BMPR1A: variants seen among roughly 807,000 people sequenced by gnomAD.
The protein encoded by BMPR1A is bone morphogenetic protein receptor type 1A, also known as bone morphogenetic protein receptor type-1A.
A neutral mutation model predicts 66.0 loss-of-function variants in BMPR1A; 7 were observed. The observed-to-expected ratio is 0.11, with a 90% CI of 0.06 to 0.20. BMPR1A has a LOEUF of 0.20. Among genes scored for constraint, BMPR1A ranks in the 10% least tolerant of loss-of-function variants. BMPR1A has a pLI of 1.00. For missense variants in BMPR1A, 408 were observed against 669.1 expected (o/e 0.61, Z 4.31); for synonymous variants, 200 against 229.7 (o/e 0.87, Z 1.17).
At chr10:86,899,512 A>G (rs548900146) in intron 5 of BMPR1A, among the ~76,000 whole-genome samples, 2 of 152,312 alleles carry the variant, frequency 1.3e-5, no homozygotes, top group South Asian at 4.1e-4. Flanking sequence ...GTGAGATTAT[A>G]TGTACCAGAC....
intron 2 of BMPR1A, among the ~76,000 whole-genome samples, chr10:86,857,954 T>C (rs1842666570): frequency 6.6e-6 from 1 of 152,082 alleles, no homozygotes; most frequent in South Asian, 2.1e-4. Context: ...CTGTAGTTTT[T>C]CCTGTATCCT....
chr10:86,855,206 G>T (rs1188477847), intron 2 of BMPR1A: 7 of 771,790 alleles, frequency 9.1e-6, no homozygotes, highest in Non-Finnish European at 1.3e-5. Context: ...ACCCTGCGTC[G>T]CTAAGTTTTT....
chr10:86,812,617 C>G (rs1174995698), intron 1 of BMPR1A, among the ~76,000 whole-genome samples: 1 of 152,186 alleles, frequency 6.6e-6, no homozygotes, highest in Non-Finnish European at 1.5e-5. Flanking sequence ...CATGCTTGTT[C>G]TCTCCTTTTA....
intron 1 of BMPR1A, among the ~76,000 whole-genome samples, chr10:86,794,743 TA>T (rs1841679558): frequency 6.6e-6 from 1 of 152,024 alleles, no homozygotes; most frequent in Non-Finnish European, 1.5e-5. Flanking sequence ...AATGAAAAGA[TA>T]ATATGAGAAT....
chr10:86,902,048 G>A (rs973514877), intron 7 of BMPR1A, among the ~76,000 whole-genome samples: 4 of 151,802 alleles, frequency 2.6e-5, no homozygotes, highest in African/African-American at 9.7e-5. Flanking sequence ...TAGTAAAGAC[G>A]GGGGTTTCAC....
intron 1 of BMPR1A, among the ~76,000 whole-genome samples, chr10:86,773,914 G>A (rs1465897899): frequency 1.3e-5 from 2 of 149,788 alleles, no homozygotes; most frequent in Non-Finnish European, 3.0e-5. Context: ...GAAGTGGTGC[G>A]ATCTCGGCTC....
At chr10:86,813,834 C>A (rs1022544604) in intron 1 of BMPR1A, among the ~76,000 whole-genome samples, 1 of 152,142 alleles carries the variant, frequency 6.6e-6, no homozygotes, top group African/African-American at 2.4e-5. Flanking sequence ...CTCTCAAACT[C>A]ATTTTCTAGT....
chr10:86,917,482 C>T (rs563639973), intron 9 of BMPR1A, among the ~76,000 whole-genome samples, 156 bp downstream of exon 9: 4 of 152,254 alleles, frequency 2.6e-5, no homozygotes, highest in African/African-American at 9.6e-5. Flanking sequence ...AAACATAGTC[C>T]GGAATGCCAA....
chr10:86,924,653 T>TA lies in BMPR1A; in HGVS notation c.*936dup. The TA allele has an allele frequency of 4.3e-6, 1 of 233,140 alleles. No individual in the cohort carries two copies. Among genetic ancestry groups the TA allele is most frequent in the Non-Finnish European group, 8.5e-6 (1 of 118,040 alleles). 14.4% of individuals were successfully genotyped at this position (233,140 alleles called of 1,614,324 possible). On this transcript the variant is annotated 3_prime_UTR_variant, in exon 13 of 13. Transcript: ENST00000372037. Reference sequence around the variant, plus strand: ...CATTTGATAGCAATGTAAGTGCCTATAACCATGTTCTATATTCTTTATTCT... The same window carrying TA: ...CATTTGATAGCAATGTAAGTGCCTATAAACCATGTTCTATATTCTTTATTCT...
chr10:86,811,804 C>T (rs899832407), intron 1 of BMPR1A, among the ~76,000 whole-genome samples: 1 of 152,096 alleles, frequency 6.6e-6, no homozygotes, highest in African/African-American at 2.4e-5. Context: ...TGTTAGCTGA[C>T]AAACTTTTGT....
At chr10:86,870,047 A>C (rs1239319319) in intron 2 of BMPR1A, among the ~76,000 whole-genome samples, 1 of 152,198 alleles carries the variant, frequency 6.6e-6, no homozygotes, top group African/African-American at 2.4e-5. Flanking sequence ...TTATCAGTGA[A>C]TACCACATCA....
At chr10:86,871,050 A>G (rs1210335898) in intron 2 of BMPR1A, among the ~76,000 whole-genome samples, 1 of 151,942 alleles carries the variant, frequency 6.6e-6, no homozygotes, top group Non-Finnish European at 1.5e-5. Context: ...CATTTCAGAC[A>G]TTGTTCTCTC....
Position 86,846,349 on chromosome 10 carries a change from G to T in BMPR1A, c.-153+7370G>T, listed in dbSNP as rs998292935. Among the ~76,000 whole-genome samples, 7 of 152,200 alleles carry T rather than the reference G, an allele frequency of 4.6e-5. No individual in the cohort carries two copies. The East Asian group carries it at 5.8e-4, about 13-fold the overall frequency. ...GGGCCTGGTACTCCAGCCTTGGGAA[G>T]AAGCTGGCTGACAGCACTGACAAGC... On this transcript the variant is annotated intron_variant, in intron 2 of 12. Transcript: ENST00000372037.
chr10:86,925,719 A>ATTTTTTTTTT lies in BMPR1A; in HGVS notation c.*2001_*2002insTTTTTTTTTT, dbSNP rs1163006358. ...ACCATAATCTTTAAAATCATTTGTC[A>ATTTTTTTTTT]TCTTTTTTTTTTTTTTTTTGAGACG... is the stretch of plus-strand genomic sequence containing the variant. On this transcript the variant is annotated 3_prime_UTR_variant, in exon 13 of 13. Transcript: ENST00000372037. 11 of 123,446 alleles carry ATTTTTTTTTT rather than the reference A, an allele frequency of 8.9e-5. 1 individual carries two copies. Among genetic ancestry groups the ATTTTTTTTTT allele is most frequent in the African/African-American group, 3.1e-4 (6 of 19,224 alleles). The allele number at this position is 123,446 out of a possible 1,614,324, so 7.6% of individuals were successfully genotyped here.
intron 11 of BMPR1A, among the ~76,000 whole-genome samples, chr10:86,922,995 A>G (rs1228589989): frequency 1.3e-5 from 2 of 152,260 alleles, no homozygotes; most frequent in Non-Finnish European, 1.5e-5. Flanking sequence ...TCTGCACCTC[A>G]TAAGTCTTTC....
intron 1 of BMPR1A, among the ~76,000 whole-genome samples, chr10:86,816,892 G>A (rs1399975803): frequency 1.3e-5 from 2 of 152,076 alleles, no homozygotes; most frequent in Non-Finnish European, 2.9e-5. Flanking sequence ...AATTCTAACA[G>A]GAATTAACTT....
chr10:86,836,573 G>A (rs186746793), intron 1 of BMPR1A, among the ~76,000 whole-genome samples: 8 of 152,188 alleles, frequency 5.3e-5, no homozygotes, highest in East Asian at 1.9e-4. Context: ...CGAGGCAGGC[G>A]GATCACTTGA....
At chr10:86,837,455 T>C (rs1842369564) in intron 1 of BMPR1A, among the ~76,000 whole-genome samples, 1 of 152,182 alleles carries the variant, frequency 6.6e-6, no homozygotes, top group Admixed American at 6.6e-5. Flanking sequence ...TTTAATACAG[T>C]GATTGCCTGC....
downstream of BMPR1A, chr10:86,931,266 T>TA (rs1843805823): frequency 1.1e-5 from 1 of 93,282 alleles, no homozygotes; most frequent in Non-Finnish European, 1.8e-5. Flanking sequence ...GAAAAAAAAA[T>TA]ATATATATAT....
Sources: gnomAD v4.1 joint callset for allele counts (sites outside exome capture counted in the v4.1 genomes callset) on GRCh38, gnomAD v4.1.1 for gene constraint, MANE v1.5 for transcripts, NCBI Gene and HGNC (gene_info 2026-07-23, HGNC 2026-07-21) for gene names.